Variants in XPO1 observed in about 807,000 individuals in gnomAD.
XPO1 encodes the protein exportin-1.
A neutral mutation model predicts 133.3 loss-of-function variants in XPO1; 5 were observed. The observed-to-expected ratio is 0.04, with a 90% confidence interval of 0.02 to 0.08. XPO1 has a LOEUF of 0.08. Ranked by LOEUF, XPO1 falls within the 10% of genes least tolerant of loss-of-function variation. The pLI is 1.00. For missense variants in XPO1, 506 were observed against 1,267.5 expected (o/e 0.40, Z 9.12); for synonymous variants, 419 against 408.2 (o/e 1.03, Z -0.32).
At chr2:61,488,406 T>C in intron 18 of XPO1, 135 bp from the exon 19 acceptor site, 3 of 1,195,984 alleles carry the variant, frequency 2.5e-6, no homozygotes, top group Non-Finnish European at 3.6e-6. Context: ...ATTGGGAAAA[T>C]AAGCTTTAAG....
chr2:61,479,820 C>T (rs1250231547), intron 24 of XPO1, among the ~76,000 whole-genome samples: 1 of 152,136 alleles, frequency 6.6e-6, no homozygotes, highest in Non-Finnish European at 1.5e-5. Flanking sequence ...GTCTCGGCCT[C>T]CCAAAGTGCT....
chr2:61,496,759 T>G (rs1288045997), intron 10 of XPO1, 120 bp downstream of exon 10: 1 of 1,175,154 alleles, frequency 8.5e-7, no homozygotes, highest in Non-Finnish European at 1.1e-6. Flanking sequence ...AAATTTTATG[T>G]AATAAACAAA....
chr2:61,532,252 C>G (rs1699187067), intron 2 of XPO1, among the ~76,000 whole-genome samples: 1 of 151,988 alleles, frequency 6.6e-6, no homozygotes, highest in Admixed American at 6.6e-5. Flanking sequence ...CTCAGCCTCC[C>G]GAGTAGCTGG....
At chr2:61,509,932 C>G (rs1285066218) in intron 4 of XPO1, among the ~76,000 whole-genome samples, 1 of 152,170 alleles carries the variant, frequency 6.6e-6, no homozygotes, top group Non-Finnish European at 1.5e-5. Context: ...TGGTACATTT[C>G]TACATCAATG....
chr2:61,521,937 T>C (rs2104743491), intron 4 of XPO1, among the ~76,000 whole-genome samples: 1 of 152,220 alleles, frequency 6.6e-6, no homozygotes, highest in Non-Finnish European at 1.5e-5. Flanking sequence ...TTTAAATTTT[T>C]TGTAAACACA....
intron 24 of XPO1, among the ~76,000 whole-genome samples, chr2:61,479,387 G>A (rs1696217988): frequency 6.6e-6 from 1 of 152,006 alleles, no homozygotes; most frequent in Non-Finnish European, 1.5e-5. Context: ...GCATGGCGGA[G>A]GTTGCAGTGA....
At chr2:61,489,589 C>T (rs1285279149) in intron 17 of XPO1, among the ~76,000 whole-genome samples, 2 of 149,082 alleles carry the variant, frequency 1.3e-5, no homozygotes, top group Non-Finnish European at 3.0e-5. Context: ...GAGTCTCGTT[C>T]TGTTGCCCAG....
chr2:61,520,354 G>C (rs1314657580), intron 4 of XPO1, among the ~76,000 whole-genome samples: 1 of 152,084 alleles, frequency 6.6e-6, no homozygotes. Flanking sequence ...AATTAAAAAG[G>C]TAATCATGTT....
At position 61,478,976 on chromosome 2, in the gene XPO1, C is replaced by T. The variant is rs1408464121; in HGVS notation, c.3070-10G>A. ...CTTCACCTGCAAATTCCTGTGAAAA[C>T]AGATAGTTGAAATGTCAACGCAATA... is the stretch of plus-strand genomic sequence containing the variant. On this transcript the variant is annotated splice_polypyrimidine_tract_variant and intron_variant, in intron 24 of 24. Transcript: ENST00000401558. The T allele has an allele frequency of 3.7e-6, 6 of 1,609,190 alleles. No homozygotes were observed. The African/African-American group carries it at 8.0e-5, about 22-fold the overall frequency.
chr2:61,479,046 T>TC, intron 24 of XPO1, 80 bp from the exon 25 acceptor site: 1 of 1,512,532 alleles, frequency 6.6e-7, no homozygotes, highest in Non-Finnish European at 9.0e-7. Context: ...GCAATTTCCT[T>TC]TTTAGAGAAG....
intron 4 of XPO1, among the ~76,000 whole-genome samples, chr2:61,507,365 C>G (rs898136079): frequency 2.0e-5 from 3 of 151,574 alleles, no homozygotes; most frequent in East Asian, 1.9e-4. Context: ...TTTGAGGAAA[C>G]GAGCTTGAGA....
intron 2 of XPO1, among the ~76,000 whole-genome samples, chr2:61,532,370 G>A (rs1004270003): frequency 7.9e-5 from 12 of 151,840 alleles, no homozygotes; most frequent in African/African-American, 2.2e-4. Flanking sequence ...CTCGTCATCC[G>A]CCGGCGTCGG....
Position 61,488,590 on chromosome 2 carries a change from T to C in XPO1, c.2204A>G (p.Asn735Ser). ...TGTAAGAAATCAGAATCACCTACCA[T>C]TAGCTTGGATAGCTGCAGAAATATT... ...SENISAAIQA[N>S]GEMVTKQPLI... The change falls in exon 18 of 25, where the codon AAT (asparagine) becomes AGT (serine). Residue 735 changes from asparagine (N) to serine (S), a missense_variant and splice_region_variant. Coordinates refer to ENST00000401558, the MANE Select transcript of XPO1 (RefSeq NM_003400.4). 1 of 1,613,164 alleles carries C rather than the reference T, an allele frequency of 6.2e-7. No homozygotes were observed.
intron 3 of XPO1, among the ~76,000 whole-genome samples, chr2:61,524,341 T>C (rs1698822548): frequency 6.6e-6 from 1 of 152,226 alleles, no homozygotes; most frequent in Non-Finnish European, 1.5e-5. Flanking sequence ...GGAAAGACAC[T>C]GTCCTTTCTT....
intron 4 of XPO1, among the ~76,000 whole-genome samples, chr2:61,509,496 C>T (rs1284179926): frequency 6.6e-6 from 1 of 152,068 alleles, no homozygotes; most frequent in African/African-American, 2.4e-5. Context: ...CATGGTGCCG[C>T]ATGACTGTAA....
chr2:61,503,190 C>G (rs1279356189), intron 4 of XPO1, among the ~76,000 whole-genome samples: 6 of 152,024 alleles, frequency 3.9e-5, no homozygotes, highest in Non-Finnish European at 8.8e-5. Flanking sequence ...CTCCTGACCT[C>G]AAGTGATCCG....
In XPO1 at chr2:61,494,090, G is replaced by C; in HGVS notation, c.1049C>G (p.Ala350Gly). The C allele has an allele frequency of 6.2e-7, 1 of 1,611,206 alleles. No homozygotes were observed. Among genetic ancestry groups the C allele is most frequent in the Non-Finnish European group, 8.5e-7 (1 of 1,179,400 alleles). The change falls in exon 12 of 25, where the codon GCC becomes GGC. Residue 350 changes from alanine to glycine, a missense_variant and splice_region_variant. Ala to Gly is a moderately conservative substitution (Grantham distance 60, BLOSUM62 0). This residue lies in a region of XPO1 where 134 missense variants were observed against 261.6 expected (regional missense o/e 0.51). Transcript: ENST00000401558. ...AGATACCAACAACATATAATGAAGG[G>C]CCTACACAGAAGACCAAAACTGTTA... is the stretch of plus-strand genomic sequence containing the variant. ...RLNLRETLMEALHYMLLVSEV... is the reference protein window; with the variant it reads ...RLNLRETLMEGLHYMLLVSEV...
chr2:61,481,154 A>C (rs779167300), intron 24 of XPO1, 31 bp downstream of exon 24: 1 of 1,491,080 alleles, frequency 6.7e-7, no homozygotes, highest in South Asian at 1.2e-5. Context: ...ATCTACCCCT[A>C]ATATTTCTGC....
At chr2:61,519,963 T>C (rs1199823430) in intron 4 of XPO1, among the ~76,000 whole-genome samples, 4 of 152,162 alleles carry the variant, frequency 2.6e-5, no homozygotes. Flanking sequence ...ATACACCTAA[T>C]TTGCTGATTT....
Sources: gnomAD v4.1 joint callset for allele counts (sites outside exome capture counted in the v4.1 genomes callset) on GRCh38, gnomAD v4.1.1 for gene constraint, gnomAD v4.1.1 regional missense constraint, MANE v1.5 for transcripts, NCBI Gene and HGNC (gene_info 2026-07-23, HGNC 2026-07-21) for gene names.